The following KLF13 variants were observed in gnomAD, a reference collection of about 807,000 sequenced individuals.
The protein encoded by KLF13 is KLF transcription factor 13.
In KLF13, 8 loss-of-function variants were observed where a neutral mutation model predicts 16.7. The ratio of observed to expected loss-of-function variants is 0.48; its 90% CI spans 0.28 to 0.87. KLF13 has a LOEUF of 0.87. Ranked by LOEUF, KLF13 falls within the 40% of genes least tolerant of loss-of-function variation. The pLI, the probability that KLF13 is intolerant of heterozygous loss-of-function variation, is 0.10. For missense variants in KLF13, 447 were observed against 452.2 expected (o/e 0.99, Z 0.10); for synonymous variants, 245 against 208.4 (o/e 1.18, Z -1.51).
chr15:31,358,653 TTGA>T (rs2039336937), intron 1 of KLF13, among the ~76,000 whole-genome samples: 2 of 152,234 alleles, frequency 1.3e-5, no homozygotes, highest in South Asian at 4.1e-4. Context: ...GCCTTTACTT[TTGA>T]TCAGCCTCAA....
At chr15:31,380,381 C>T (rs1263322419), downstream of KLF13, among the ~76,000 whole-genome samples, 1 of 152,228 alleles carries the variant, frequency 6.6e-6, no homozygotes, top group Non-Finnish European at 1.5e-5. Flanking sequence ...GGCATTCAAG[C>T]AGGGGCTGAA....
chr15:31,405,778 G>T (rs1185020803), downstream of KLF13, among the ~76,000 whole-genome samples: 1 of 152,150 alleles, frequency 6.6e-6, no homozygotes, highest in African/African-American at 2.4e-5. Context: ...GGGGACCCTT[G>T]GCAGCTATCT....
At chr15:31,378,314 GAGTCTAGAAA>G (rs1196902321), downstream of KLF13, among the ~76,000 whole-genome samples, 14 of 152,210 alleles carry the variant, frequency 9.2e-5, no homozygotes, top group Admixed American at 4.6e-4. Context: ...CCTCAGCCTA[GAGTCTAGAAA>G]ACTCCCCTGT....
Position 31,327,289 on chromosome 15 carries a change from G to C in KLF13, c.77G>C (p.Gly26Ala). Residue 26 changes from glycine (G) to alanine (A), a missense_variant, in exon 1 of 2, where the codon GGG becomes GCG. This residue lies in a region of KLF13 where 359 missense variants were observed against 282.8 expected (regional missense o/e 1.27). Coordinates refer to ENST00000307145, the MANE Select transcript of KLF13 (RefSeq NM_015995.4). ...VSMSSRAVVH[G>A]PREGPESRPE... Reference sequence around the variant, plus strand: ...ATGTCGAGCCGCGCGGTCGTGCACGGGCCGCGGGAGGGGCCGGAGTCCCGG... The same window carrying C: ...ATGTCGAGCCGCGCGGTCGTGCACGCGCCGCGGGAGGGGCCGGAGTCCCGG... 7.6e-7 allele frequency: 1 copy of C among 1,317,262 alleles called. No individual in the cohort carries two copies. The highest frequency in any genetic ancestry group is 3.9e-5 in the Admixed American group (1 of 25,636). The allele number at this position is 1,317,262 out of a possible 1,614,324, so 81.6% of individuals were successfully genotyped here. A position where few individuals can be genotyped will look rare whatever the true frequency, so the allele number is the denominator to read the frequency against.
intron 1 of KLF13, among the ~76,000 whole-genome samples, chr15:31,433,449 T>A (rs1264830239): frequency 6.6e-6 from 1 of 152,192 alleles, no homozygotes; most frequent in Admixed American, 6.5e-5. Flanking sequence ...TTGGTCTCCC[T>A]GGGCTGTCAG....
At chr15:31,370,425 C>G (rs1219715710) in intron 1 of KLF13, among the ~76,000 whole-genome samples, 1 of 145,146 alleles carries the variant, frequency 6.9e-6, no homozygotes, top group Admixed American at 6.8e-5. Flanking sequence ...GTTGTTTTTG[C>G]TTTTTTTTTT....
Position 31,373,385 on chromosome 15 carries a change from T to C in KLF13, c.*1086T>C, listed in dbSNP as rs1252402017. The C allele has an allele frequency of 6.6e-6, 1 of 152,258 alleles. No homozygotes were observed. Among genetic ancestry groups the C allele is most frequent in the Non-Finnish European group, 1.5e-5 (1 of 68,048 alleles). The allele number at this position is 152,258 out of a possible 1,614,324, so 9.4% of individuals were successfully genotyped here. ...CCGGAACATTGTGACTTGGACCTTT[T>C]CAGGAGTGGCGCGGATGTTACAGGA... On this transcript the variant is annotated 3_prime_UTR_variant, in exon 2 of 2. Transcript: ENST00000307145.
Position 31,327,519 on chromosome 15 carries a change from C to G in KLF13, c.307C>G (p.Pro103Ala). The G allele has an allele frequency of 8.9e-7, 1 of 1,126,702 alleles. No individual in the cohort carries two copies. The highest frequency in any genetic ancestry group is 1.1e-6 in the Non-Finnish European group (1 of 921,458). The allele number at this position is 1,126,702 out of a possible 1,614,324, so 69.8% of individuals were successfully genotyped here. ...CCCCTGCCGCCTGCCGCCGCCCGCCCCCGAGCCCACCTCCCCCGGCGCCGA... is the reference window on the plus strand; with the variant it reads ...CCCCTGCCGCCTGCCGCCGCCCGCCGCCGAGCCCACCTCCCCCGGCGCCGA... ...RTPCRLPPPA[P>A]EPTSPGAEGA... The change falls in exon 1 of 2, where the codon CCC becomes GCC. Residue 103 changes from proline to alanine, a missense_variant. Transcript: ENST00000307145.
intron 1 of KLF13, among the ~76,000 whole-genome samples, chr15:31,346,353 G>C (rs951277128): frequency 6.6e-6 from 1 of 152,216 alleles, no homozygotes; most frequent in African/African-American, 2.4e-5. Flanking sequence ...AGCAGCTGCT[G>C]TCCTTCCCCT....
At chr15:31,417,243 C>T (rs1230890719) in intron 1 of KLF13, among the ~76,000 whole-genome samples, 1 of 152,036 alleles carries the variant, frequency 6.6e-6, no homozygotes, top group Non-Finnish European at 1.5e-5. Context: ...GCTGTAATCC[C>T]CAGCACTTTG....
At chr15:31,377,924 G>A (rs1226935626), downstream of KLF13, 2 of 152,402 alleles carry the variant, frequency 1.3e-5, no homozygotes, top group Admixed American at 6.6e-5. Flanking sequence ...TTTCTTTGAA[G>A]AGCATGTCTT....
intron 1 of KLF13, 88 bp downstream of exon 1, chr15:31,327,877 C>T (rs1424997671): frequency 1.7e-6 from 2 of 1,187,994 alleles, no homozygotes; most frequent in South Asian, 7.3e-5. Context: ...CGATGGGGCG[C>T]GAGGTGGGGG....
chr15:31,350,134 G>A (rs1220716056), intron 1 of KLF13, among the ~76,000 whole-genome samples: 2 of 152,208 alleles, frequency 1.3e-5, no homozygotes, highest in Non-Finnish European at 2.9e-5. Context: ...TACAGCATGC[G>A]GCCCCTGCTT....
chr15:31,411,341 C>G (rs549225369), intron 1 of KLF13, among the ~76,000 whole-genome samples: 1 of 151,962 alleles, frequency 6.6e-6, no homozygotes, highest in South Asian at 2.1e-4. Context: ...GAATGCAAGG[C>G]TCAATCAACA....
chr15:31,336,203 T>TG (rs1169200623), intron 1 of KLF13, among the ~76,000 whole-genome samples: 4 of 152,094 alleles, frequency 2.6e-5, no homozygotes, highest in Admixed American at 6.5e-5. Flanking sequence ...AGCTAATGCT[T>TG]GGGGGGGCCA....
intron 1 of KLF13, among the ~76,000 whole-genome samples, chr15:31,332,869 A>G (rs906166150): frequency 9.2e-5 from 14 of 152,310 alleles, no homozygotes; most frequent in African/African-American, 2.9e-4. Context: ...CCTACAGTCA[A>G]CCAGCACTGG....
Position 31,327,169 on chromosome 15 carries a change from G to T in KLF13, c.-44G>T. The T allele has an allele frequency of 7.8e-7, 1 of 1,277,300 alleles. No individual in the cohort carries two copies. Among genetic ancestry groups the T allele is most frequent in the South Asian group, 2.1e-5 (1 of 48,130 alleles). 79.1% of individuals were successfully genotyped at this position (1,277,300 alleles called of 1,614,324 possible). A position where few individuals can be genotyped will look rare whatever the true frequency, so the allele number is the denominator to read the frequency against. ...AGGCCGTGGGTGCGGATGCGCGGCT[G>T]ACGACTCGCAGCAAGAGCACCGCCG... On this transcript the variant is annotated 5_prime_UTR_variant, in exon 1 of 2. It removes the in-frame stop codon of an upstream open reading frame in the 5' UTR. Coordinates refer to ENST00000307145, the MANE Select transcript of KLF13 (RefSeq NM_015995.4).
At chr15:31,431,533 C>T (rs963601906) in intron 1 of KLF13, among the ~76,000 whole-genome samples, 4 of 152,078 alleles carry the variant, frequency 2.6e-5, no homozygotes, top group Admixed American at 6.5e-5. Flanking sequence ...GGCGTGCTCT[C>T]GGCTCACTGC....
Position 31,377,100 on chromosome 15 carries a change from T to C in KLF13, c.*4801T>C, listed in dbSNP as rs2039659775. ...GTGGACAGGTCGCAGTGCGTGCTTA[T>C]TTGGAAACCAGGTGTGTGAGCCGAA... On this transcript the variant is annotated 3_prime_UTR_variant, in exon 2 of 2. Coordinates refer to ENST00000307145, the MANE Select transcript of KLF13 (RefSeq NM_015995.4). The C allele has an allele frequency of 6.6e-6, 1 of 152,200 alleles. No individual in the cohort carries two copies. Among genetic ancestry groups the C allele is most frequent in the Non-Finnish European group, 1.5e-5 (1 of 68,110 alleles). The allele number at this position is 152,200 out of a possible 1,614,324, so 9.4% of individuals were successfully genotyped here. A position where few individuals can be genotyped will look rare whatever the true frequency, so the allele number is the denominator to read the frequency against.
Sources: gnomAD v4.1 joint callset for allele counts (sites outside exome capture counted in the v4.1 genomes callset) on GRCh38, gnomAD v4.1.1 for gene constraint, gnomAD v4.1.1 regional missense constraint, MANE v1.5 for transcripts, NCBI Gene and HGNC (gene_info 2026-07-23, HGNC 2026-07-21) for gene names.